The following SRPK2 variants were observed in gnomAD, a reference collection of about 807,000 sequenced individuals.
The protein encoded by SRPK2 is SRSF protein kinase 2, also known as SFRS protein kinase 2.
In SRPK2, 21 loss-of-function variants were observed where a neutral mutation model predicts 90.8. The ratio of observed to expected loss-of-function variants is 0.23; its 90% confidence interval spans 0.16 to 0.33. The LOEUF is 0.33. SRPK2 is among the 10% of genes least tolerant of loss of function. SRPK2 has a pLI of 1.00. For synonymous variants in SRPK2, 288 were observed against 311.1 expected, an observed-to-expected ratio of 0.93 and a Z score of 0.78; for missense variants, 620 against 869.0, an observed-to-expected ratio of 0.71 and a Z score of 3.60.
At chr7:105,148,118 C>T (rs1261033286) in intron 7 of SRPK2, among the ~76,000 whole-genome samples, 2 of 152,182 alleles carry the variant, frequency 1.3e-5, no homozygotes, top group African/African-American at 4.8e-5. Flanking sequence ...TTTTACATTC[C>T]TATCACCAAT....
At chr7:105,340,721 T>C (rs1815665731) in intron 2 of SRPK2, among the ~76,000 whole-genome samples, 1 of 152,124 alleles carries the variant, frequency 6.6e-6, no homozygotes, top group African/African-American at 2.4e-5. Flanking sequence ...TGTGATTACA[T>C]GAGTGAGCCA....
At chr7:105,387,084 T>TC (rs1821697679) in intron 2 of SRPK2, among the ~76,000 whole-genome samples, 1 of 152,218 alleles carries the variant, frequency 6.6e-6, no homozygotes, top group Admixed American at 6.5e-5. Context: ...GAACTGTTTT[T>TC]CCACATGTAC....
chr7:105,208,978 T>A (rs1472780835), intron 2 of SRPK2, among the ~76,000 whole-genome samples: 4 of 151,234 alleles, frequency 2.6e-5, no homozygotes, highest in Admixed American at 1.3e-4. Flanking sequence ...AATAAATTTT[T>A]AAAAAAATAA....
chr7:105,331,985 C>T (rs537224102), intron 2 of SRPK2, among the ~76,000 whole-genome samples: 1 of 152,036 alleles, frequency 6.6e-6, no homozygotes, highest in South Asian at 2.1e-4. Flanking sequence ...AGGGTGAAGC[C>T]CCATTTCTAA....
chr7:105,271,583 A>G (rs1230087875), intron 2 of SRPK2, among the ~76,000 whole-genome samples: 2 of 152,190 alleles, frequency 1.3e-5, no homozygotes, highest in South Asian at 2.1e-4. Flanking sequence ...GAAGCCATTT[A>G]ACTGATTTCC....
In SRPK2 at chr7:105,323,678, G is replaced by C. The variant is rs145876723; in HGVS notation, c.71+64970C>G. 1.3e-4 allele frequency among the ~76,000 whole-genome samples: 20 copies of C among 152,188 alleles called. No individual in the cohort carries two copies. The East Asian group carries it at 2.7e-3, about 21-fold the overall frequency. ...CTACATGCTAACACAAAACATAAAGGAATAGTGTTTCTTGCCTTTTAGAGT... is the reference window on the plus strand; with the variant it reads ...CTACATGCTAACACAAAACATAAAGCAATAGTGTTTCTTGCCTTTTAGAGT... On this transcript the variant is annotated intron_variant, in intron 2 of 15. Transcript: ENST00000393651.
At chr7:105,389,528 T>TA (rs34744570), upstream of SRPK2, 14,792 of 734,446 alleles carry the variant, frequency 0.02, 195 homozygotes, top group Middle Eastern at 0.026. Flanking sequence ...AAGGAAAAGA[T>TA]ACAGATAGCA....
chr7:105,172,861 T>C (rs1314207420), intron 3 of SRPK2, among the ~76,000 whole-genome samples: 1 of 152,228 alleles, frequency 6.6e-6, no homozygotes, highest in Non-Finnish European at 1.5e-5. Context: ...TTAAAAATAA[T>C]TTATGCATAA....
At chr7:105,389,075 C>T (rs118089279), upstream of SRPK2, 130,190 of 836,330 alleles carry the variant, frequency 0.16, 10,449 homozygotes, top group East Asian at 0.59. Context: ...CCCACCTGTG[C>T]AGAAGTGGCC....
At chr7:105,399,033 T>C (rs1338438824) in intron 1 of SRPK2, 1 of 152,238 alleles carries the variant, frequency 6.6e-6, no homozygotes, top group Non-Finnish European at 1.5e-5. Flanking sequence ...TATCTAAGCA[T>C]TCAATAAATA....
intron 3 of SRPK2, among the ~76,000 whole-genome samples, chr7:105,171,525 G>A (rs1400488123): frequency 6.6e-6 from 1 of 152,178 alleles, no homozygotes; most frequent in Non-Finnish European, 1.5e-5. Flanking sequence ...GATGGCTTGT[G>A]CCTAGTCTTA....
rs1019398939 is a variant in SRPK2, at chr7:105,227,113, A to G, written c.72-23328T>C. The stretch of plus-strand genomic sequence containing the variant: ...ACTGCTTGGTCCTTCTCTCCCTAAA[A>G]GTTAATTCTCAAACCAAGTAACAAA... On this transcript the variant is annotated intron_variant, in intron 2 of 15. Transcript: ENST00000393651. 2.6e-5 allele frequency among the ~76,000 whole-genome samples: 4 copies of G among 152,200 alleles called. 1 individual carries two copies. Among genetic ancestry groups the G allele is most frequent in the Admixed American group, 2.0e-4 (3 of 15,284 alleles).
chr7:105,359,013 A>C (rs1818119938), intron 2 of SRPK2, among the ~76,000 whole-genome samples: 1 of 152,002 alleles, frequency 6.6e-6, no homozygotes, highest in Admixed American at 6.6e-5. Flanking sequence ...AAGAGTGAGA[A>C]GCAAGAATGA....
At chr7:105,363,873 T>C (rs1344330259) in intron 2 of SRPK2, among the ~76,000 whole-genome samples, 2 of 152,184 alleles carry the variant, frequency 1.3e-5, no homozygotes, top group Non-Finnish European at 2.9e-5. Flanking sequence ...GATGAGTTCA[T>C]GTGCTTTGCA....
At chr7:105,222,557 T>C (rs1197244189) in intron 2 of SRPK2, among the ~76,000 whole-genome samples, 2 of 152,256 alleles carry the variant, frequency 1.3e-5, no homozygotes, top group Non-Finnish European at 2.9e-5. Flanking sequence ...GAAACTTCTA[T>C]TTTTGCCTAC....
chr7:105,374,307 C>T (rs1331808234), intron 2 of SRPK2, among the ~76,000 whole-genome samples: 1 of 152,128 alleles, frequency 6.6e-6, no homozygotes, highest in African/African-American at 2.4e-5. Flanking sequence ...TTTTGTATTG[C>T]TTTTCTCTTC....
At chr7:105,183,630 G>T (rs994253524) in intron 3 of SRPK2, among the ~76,000 whole-genome samples, 1 of 152,070 alleles carries the variant, frequency 6.6e-6, no homozygotes, top group Non-Finnish European at 1.5e-5. Flanking sequence ...AGGAGTACAG[G>T]CATGTGCCAC....
At position 105,226,201 on chromosome 7, in the gene SRPK2, G is replaced by C. The variant is rs1044706917; in HGVS notation, c.72-22416C>G. Among the ~76,000 whole-genome samples the C allele has an allele frequency of 2.0e-5, 3 of 151,124 alleles. No individual in the cohort carries two copies. The South Asian group carries it at 6.3e-4, about 32-fold the overall frequency. ...AATATTTGTCTATGAAACATTTAGT[G>C]ATCATATTCTTCCCAATAAACAAAA... On this transcript the variant is annotated intron_variant, in intron 2 of 15. Coordinates refer to ENST00000393651, the MANE Select transcript of SRPK2 (RefSeq NM_182692.3).
chr7:105,359,222 G>T (rs543285994), intron 2 of SRPK2, among the ~76,000 whole-genome samples: 1 of 140,638 alleles, frequency 7.1e-6, no homozygotes, highest in Non-Finnish European at 1.5e-5. Context: ...GCAATGGCGC[G>T]ATCTTGGCTC....
Sources: gnomAD v4.1 joint callset for allele counts (sites outside exome capture counted in the v4.1 genomes callset) on GRCh38, gnomAD v4.1.1 for gene constraint, MANE v1.5 for transcripts, NCBI Gene and HGNC (gene_info 2026-07-23, HGNC 2026-07-21) for gene names.